Variants in AHNAK2 observed in about 807,000 individuals in gnomAD.
The protein encoded by AHNAK2 is AHNAK nucleoprotein 2.
AHNAK2 carries 18 observed loss-of-function variants against 30.7 expected under a neutral mutation model. That is an observed-to-expected ratio of 0.59 (90% CI 0.41 to 0.87). AHNAK2 has a LOEUF of 0.87. Among genes scored for constraint, AHNAK2 ranks in the 40% least tolerant of loss-of-function variants. The pLI, the probability that AHNAK2 is intolerant of heterozygous loss-of-function variation, is 0.00. For missense variants in AHNAK2, 8,604 were observed against 7,373.0 expected (o/e 1.17, Z -6.11); for synonymous variants, 3,590 against 3,073.8 (o/e 1.17, Z -5.56).
rs184650761 is a variant in AHNAK2, at chr14:104,946,441, A to T, written c.9010T>A (p.Ser3004Thr). Residue 3004 changes from serine to threonine, a missense_variant, in exon 7 of 7, where the codon TCT (serine) becomes ACT (threonine). Physicochemically the swap from Ser to Thr is moderately conservative, Grantham distance 58. Coordinates refer to ENST00000333244, the MANE Select transcript of AHNAK2 (RefSeq NM_138420.4). The part of the protein sequence containing the change: ...GKSIEVSVDV[S>T]APKVEAEVSL... ...ACTTCGGCCTCCACCTTCGGCGCAG[A>T]CACATCCACCGAGACCTCAATGGAC... 2.6e-3 allele frequency: 4,173 copies of T among 1,611,298 alleles called. 11 individuals carry two copies. Among genetic ancestry groups the T allele is most frequent in the Non-Finnish European group, 3.3e-3 (3,863 of 1,179,164 alleles).
In AHNAK2 at chr14:104,948,132, G is replaced by C; in HGVS notation, c.7319C>G (p.Pro2440Arg). Residue 2440 changes from proline (P) to arginine (R), a missense_variant, in exon 7 of 7, where the codon CCC becomes CGC. Transcript: ENST00000333244. ...LKGPKTDVMA[P>R]DVEVSQPSVE... is the part of the protein sequence containing the mutation. ...GCTGGGCTGAGACACCTCCACGTCG[G>C]GGGCCATCACGTCCGTCTTGGGGCC... 1 of 1,612,324 alleles carries C rather than the reference G, an allele frequency of 6.2e-7. No homozygotes were observed. The highest frequency in any genetic ancestry group is 8.5e-7 in the Non-Finnish European group (1 of 1,179,584).
At chr14:104,970,783 T>A (rs1899452882) in intron 1 of AHNAK2, among the ~76,000 whole-genome samples, 1 of 152,166 alleles carries the variant, frequency 6.6e-6, no homozygotes, top group Admixed American at 6.5e-5. Context: ...GCCAGCCCAG[T>A]CTGGTGAGTG....
Position 104,946,648 on chromosome 14 carries a change from G to T in AHNAK2, c.8803C>A (p.Pro2935Thr). The T allele has an allele frequency of 6.2e-7, 1 of 1,612,810 alleles. No individual in the cohort carries two copies. The highest frequency in any genetic ancestry group is 1.3e-5 in the African/African-American group (1 of 74,596). The change falls in exon 7 of 7, where the codon CCC (proline) becomes ACC (threonine). Residue 2935 changes from proline (P) to threonine (T), a missense_variant. Physicochemically the swap from Pro to Thr is conservative, Grantham distance 38. Transcript: ENST00000333244. Reference protein sequence around the residue: ...LKGPKAEVTAPDVEVSLPSVE... With the variant: ...LKGPKAEVTATDVEVSLPSVE... ...CTGGGCAGAGACACCTCCACGTCGG[G>T]GGCCGTCACCTCCGCCTTGGGGCCT... is the stretch of plus-strand genomic sequence containing the variant.
chr14:104,969,316 A>G (rs1899404797), intron 1 of AHNAK2, among the ~76,000 whole-genome samples: 1 of 152,208 alleles, frequency 6.6e-6, no homozygotes. Context: ...GGTGCCATCC[A>G]TCGGTCAGAC....
In AHNAK2 at chr14:104,953,821, T is replaced by C. The variant is rs776191346; in HGVS notation, c.1630A>G (p.Thr544Ala). The change falls in exon 7 of 7, where the codon ACC becomes GCC. Residue 544 changes from threonine (T) to alanine (A), a missense_variant. Transcript: ENST00000333244. ...GAGWMPGREP[T>A]THAEAQGDEG... ...TCCCCCTGTGCTTCTGCATGTGTGG[T>C]TGGTTCCCTGCCCGGCATCCACCCG... 9.3e-6 allele frequency: 15 copies of C among 1,614,012 alleles called. No individual in the cohort carries two copies. In the South Asian group the frequency reaches 9.9e-5, roughly 11 times the overall value.
At position 104,940,307 on chromosome 14, in the gene AHNAK2, G is replaced by C. The variant is rs1196088989; in HGVS notation, c.15144C>G (p.Ser5048=). 1 of 1,613,642 alleles carries C rather than the reference G, an allele frequency of 6.2e-7. No individual in the cohort carries two copies. Among genetic ancestry groups the C allele is most frequent in the African/African-American group, 1.3e-5 (1 of 74,910 alleles). The change falls in exon 7 of 7, where the codon TCC becomes TCG. Residue 5048 remains serine, a synonymous_variant. Transcript: ENST00000333244. The surrounding 1 kb of genome is among the most constrained non-coding windows in gnomAD (Gnocchi z 4.4). The part of the protein sequence containing the change: ...VSLPQRDVDP[S]LSSATAGGSF... ...TACCCCCTGCTGTGGCACTAGAAAG[G>C]GAAGGATCCACGTCTCTCTGTGGCA...
chr14:104,945,870 T>A lies in AHNAK2; in HGVS notation c.9581A>T (p.Glu3194Val). Reference protein sequence around the residue: ...GDLKNTDISIEPPSAQLEVQA... With the variant: ...GDLKNTDISIVPPSAQLEVQA... The stretch of plus-strand genomic sequence containing the variant: ...GACCTCCAGTTGGGCAGAGGGGGGC[T>A]CAATGCTGATGTCAGTGTTCTTCAG... The change falls in exon 7 of 7, where the codon GAG becomes GTG. Residue 3194 changes from glutamate (E) to valine (V), a missense_variant. Transcript: ENST00000333244. 4 of 1,320,254 alleles carry A rather than the reference T, an allele frequency of 3.0e-6. No homozygotes were observed. The highest frequency in any genetic ancestry group is 4.2e-6 in the Non-Finnish European group (4 of 945,350). The allele number at this position is 1,320,254 out of a possible 1,614,324, so 81.8% of individuals were successfully genotyped here. A position where few individuals can be genotyped will look rare whatever the true frequency, so the allele number is the denominator to read the frequency against.
At position 104,944,414 on chromosome 14, in the gene AHNAK2, C is replaced by T; in HGVS notation, c.11037G>A (p.Gly3679=). ...TGCTGAGGTCAGTGGTCTTCAGGTC[C>T]CCCTGCATGGAGGGGAGACTCACAT... ...EADVSLPSMQ[G]DLKTTDLSIQ... Residue 3679 remains glycine, a synonymous_variant, in exon 7 of 7, where the codon GGG becomes GGA. Coordinates refer to ENST00000333244, the MANE Select transcript of AHNAK2 (RefSeq NM_138420.4). 2 of 1,612,878 alleles carry T rather than the reference C, an allele frequency of 1.2e-6. No homozygotes were observed. The highest frequency in any genetic ancestry group is 1.7e-6 in the Non-Finnish European group (2 of 1,179,522).
intron 3 of AHNAK2, among the ~76,000 whole-genome samples, chr14:104,957,075 G>A (rs1460049765): frequency 6.6e-6 from 1 of 152,196 alleles, no homozygotes; most frequent in African/African-American, 2.4e-5. Flanking sequence ...TAGCCATGGG[G>A]CCCTGTCCCC....
Position 104,952,282 on chromosome 14 carries a change from C to G in AHNAK2, c.3169G>C (p.Val1057Leu), listed in dbSNP as rs368817606. 19 of 1,612,400 alleles carry G rather than the reference C, an allele frequency of 1.2e-5. No homozygotes were observed. Among genetic ancestry groups the G allele is most frequent in the African/African-American group, 2.7e-5 (2 of 74,244 alleles). ...SIQPASTDLK[V>L]QADQVDVKLP... is the part of the protein sequence containing the mutation. ...TTCACATCCACCTGGTCAGCCTGGA[C>G]CTTCAGGTCAGTAGAAGCAGGCTGA... Residue 1057 changes from valine to leucine, a missense_variant, in exon 7 of 7, where the codon GTC becomes CTC. By Grantham distance (32) the Val-to-Leu change is conservative. Transcript: ENST00000333244.
Position 104,951,814 on chromosome 14 carries a change from T to C in AHNAK2, c.3637A>G (p.Ile1213Val), listed in dbSNP as rs763061941. ...TCCAGGTCAGCGGAAGGGGGCTGAA[T>C]GCTGAGGTCAGTGGTCTTGAGGTCC... The part of the protein sequence containing the change: ...QGDLKTTDLS[I>V]QPPSADLEVH... Residue 1213 changes from isoleucine to valine, a missense_variant, in exon 7 of 7, where the codon ATT (isoleucine) becomes GTT (valine). Transcript: ENST00000333244. 186 of 1,469,418 alleles carry C rather than the reference T, an allele frequency of 1.3e-4. 30 individuals carry two copies. The highest frequency in any genetic ancestry group is 7.7e-4 in the Middle Eastern group (4 of 5,184). The allele number at this position is 1,469,418 out of a possible 1,614,324, so 91.0% of individuals were successfully genotyped here.
In AHNAK2 at chr14:104,950,406, T is replaced by C. The variant is rs1341167394; in HGVS notation, c.5045A>G (p.Asp1682Gly). 1.9e-6 allele frequency: 3 copies of C among 1,586,382 alleles called. 1 individual carries two copies. The South Asian group carries it at 3.3e-5, about 18-fold the overall frequency. The change falls in exon 7 of 7, where the codon GAT becomes GGT. Residue 1682 changes from aspartate (D) to glycine (G), a missense_variant. Transcript: ENST00000333244. ...AGCTTCCACCTTCGGCTCAGACACA[T>C]CCACCGAGGCCTCGATGGACTTGCC... is the stretch of plus-strand genomic sequence containing the variant. The part of the protein sequence containing the change: ...APGKSIEASV[D>G]VSEPKVEADV...
chr14:104,951,875 T>G lies in AHNAK2; in HGVS notation c.3576A>C (p.Lys1192Asn). 1 of 1,599,444 alleles carries G rather than the reference T, an allele frequency of 6.3e-7. No homozygotes were observed. Among genetic ancestry groups the G allele is most frequent in the South Asian group, 1.1e-5 (1 of 89,830 alleles). Residue 1192 changes from lysine (K) to asparagine (N), a missense_variant, in exon 7 of 7, where the codon AAA becomes AAC. Coordinates refer to ENST00000333244, the MANE Select transcript of AHNAK2 (RefSeq NM_138420.4). ...AGGGGAGACTCACGTCGGCCTCCAC[T>G]TTGGGTGCAGACACATCCACCGAGG... ...IEASVDVSAP[K>N]VEADVSLPSM...
intron 1 of AHNAK2, among the ~76,000 whole-genome samples, chr14:104,977,390 A>G (rs1433726544): frequency 2.0e-5 from 3 of 152,152 alleles, no homozygotes; most frequent in African/African-American, 4.8e-5. Context: ...ACAGACACAC[A>G]AAGAGCAGCA....
In AHNAK2 at chr14:104,955,627, G is replaced by T. The variant is rs567259340; in HGVS notation, c.322C>A (p.Gln108Lys). Reference protein sequence around the residue: ...FFRMSRPEAVQEATEVTLKTE... With the variant: ...FFRMSRPEAVKEATEVTLKTE... ...TTCAGCGTCACCTCTGTTGCCTCCTGGACAGCCTGGAGCAGAAGCACATCA... is the reference window on the plus strand; with the variant it reads ...TTCAGCGTCACCTCTGTTGCCTCCTTGACAGCCTGGAGCAGAAGCACATCA... The change falls in exon 5 of 7, where the codon CAG becomes AAG. Residue 108 changes from glutamine to lysine, a missense_variant. Physicochemically the swap from Gln to Lys is moderately conservative, Grantham distance 53. Transcript: ENST00000333244. 11 of 1,613,212 alleles carry T rather than the reference G, an allele frequency of 6.8e-6. No homozygotes were observed. The East Asian group carries it at 2.2e-4, about 33-fold the overall frequency.
chr14:104,944,522 G>T lies in AHNAK2; in HGVS notation c.10929C>A (p.Phe3643Leu). Residue 3643 changes from phenylalanine (F) to leucine (L), a missense_variant, in exon 7 of 7, where the codon TTC (phenylalanine) becomes TTA (leucine). Transcript: ENST00000333244. ...AKDSKFKMPK[F>L]KMPSFRVSAP... is the part of the protein sequence containing the mutation. ...CCGATACCCTGAATGACGGCATCTT[G>T]AATTTGGGCATTTTGAACTTGCTGT... The T allele has an allele frequency of 6.2e-7, 1 of 1,613,040 alleles. No homozygotes were observed. The highest frequency in any genetic ancestry group is 8.5e-7 in the Non-Finnish European group (1 of 1,179,576).
Position 104,946,100 on chromosome 14 carries a change from T to A in AHNAK2, c.9351A>T (p.Gly3117=), listed in dbSNP as rs1360172482. Residue 3117 remains glycine, a synonymous_variant, in exon 7 of 7, where the codon GGA becomes GGT. Coordinates refer to ENST00000333244, the MANE Select transcript of AHNAK2 (RefSeq NM_138420.4). Reference sequence around the variant, plus strand: ...CCAGCCGTGCACCATCCAACTTGGCTCCTGGGGCCTCGACATCCACCTCCA... The same window carrying A: ...CCAGCCGTGCACCATCCAACTTGGCACCTGGGGCCTCGACATCCACCTCCA... The part of the protein sequence containing the change: ...PGMEVDVEAP[G]AKLDGARLEG... 6.2e-7 allele frequency: 1 copy of A among 1,610,598 alleles called. No individual in the cohort carries two copies. The highest frequency in any genetic ancestry group is 2.2e-5 in the East Asian group (1 of 44,602).
chr14:104,976,247 C>T (rs935336045), intron 1 of AHNAK2, among the ~76,000 whole-genome samples: 4 of 152,314 alleles, frequency 2.6e-5, no homozygotes, highest in South Asian at 2.1e-4. Flanking sequence ...GTGTTACAGT[C>T]GGCAGCGCTG....
Position 104,943,014 on chromosome 14 carries a change from G to A in AHNAK2, c.12437C>T (p.Ser4146Leu), listed in dbSNP as rs199549242. ...PKFKMPSFGV[S>L]APGKSMEASV... Reference sequence around the variant, plus strand: ...CGCCTCCATGGACTTGCCTGGGGCCGACACCCCGAATGATGGCATCTTGAA... The same window carrying A: ...CGCCTCCATGGACTTGCCTGGGGCCAACACCCCGAATGATGGCATCTTGAA... The change falls in exon 7 of 7, where the codon TCG becomes TTG. Residue 4146 changes from serine to leucine, a missense_variant. Ser to Leu is a moderately radical substitution (Grantham distance 145). Coordinates refer to ENST00000333244, the MANE Select transcript of AHNAK2 (RefSeq NM_138420.4). The A allele has an allele frequency of 9.4e-5, 151 of 1,612,972 alleles. 1 individual carries two copies. The East Asian group carries it at 9.4e-4, about 10-fold the overall frequency.
Sources: allele counts gnomAD v4.1 joint callset (sites outside exome capture counted in the v4.1 genomes callset), GRCh38; gene constraint gnomAD v4.1.1; non-coding constraint Gnocchi (gnomAD v3.1); transcripts MANE v1.5; gene names NCBI Gene and HGNC (gene_info 2026-07-23, HGNC 2026-07-21).